Variants in UPRT observed in about 807,000 individuals in gnomAD.
The protein encoded by UPRT is RP11-311P8.3.
UPRT carries 5 observed loss-of-function variants against 22.6 expected under a neutral mutation model. The ratio of observed to expected loss-of-function variants is 0.22; its 90% confidence interval spans 0.12 to 0.47. UPRT has a LOEUF of 0.47. UPRT is among the 20% of genes least tolerant of loss of function. UPRT has a pLI of 0.99. For missense variants in UPRT, 181 were observed against 239.9 expected (o/e 0.75, Z 1.62); for synonymous variants, 77 against 87.7 (o/e 0.88, Z 0.68).
At chrX:75,245,734 T>C (rs934569031) in intron 4 of UPRT, among the ~76,000 whole-genome samples, 1 of 111,494 alleles carries the variant, frequency 9.0e-6, no homozygotes, top group Non-Finnish European at 1.9e-5. Flanking sequence ...AAGTGGGAGC[T>C]AAACACTGAG....
intron 4 of UPRT, among the ~76,000 whole-genome samples, chrX:75,254,289 T>C (rs996400954): frequency 2.2e-4 from 24 of 110,789 alleles, no homozygotes; most frequent in African/African-American, 7.9e-4. Context: ...AAAAATGATA[T>C]AAGAAGTGAA....
chrX:75,289,522 A>T (rs535430896), intron 1 of UPRT, among the ~76,000 whole-genome samples: 2 of 111,502 alleles, frequency 1.8e-5, no homozygotes, highest in South Asian at 3.8e-4. Context: ...AGCAAAAAGA[A>T]CAAAGCTGGA....
At chrX:75,186,771 A>G (rs2082293816) in intron 4 of UPRT, among the ~76,000 whole-genome samples, 1 of 111,829 alleles carries the variant, frequency 8.9e-6, no homozygotes, top group Admixed American at 9.5e-5. Context: ...CTTTACCATT[A>G]TGTAATGGCC....
intron 4 of UPRT, among the ~76,000 whole-genome samples, chrX:75,259,747 A>C (rs1355972728): frequency 3.6e-5 from 4 of 111,185 alleles, no homozygotes; most frequent in Admixed American, 1.9e-4. Flanking sequence ...AAATTCAGGA[A>C]GTACGGAGAA....
chrX:75,160,314 A>G (rs1000932732), intron 1 of UPRT, among the ~76,000 whole-genome samples: 2 of 111,060 alleles, frequency 1.8e-5, no homozygotes, highest in African/African-American at 6.6e-5. Flanking sequence ...TTTTGTTGCT[A>G]CTTTTAACCA....
chrX:75,205,836 G>C (rs1161924848), intron 4 of UPRT, among the ~76,000 whole-genome samples: 1 of 111,618 alleles, frequency 9.0e-6, no homozygotes, highest in Non-Finnish European at 1.9e-5. Context: ...CTGTACATAA[G>C]GGGGAGCAGA....
chrX:75,284,730 G>A (rs749752537), intron 1 of UPRT, among the ~76,000 whole-genome samples: 2 of 111,623 alleles, frequency 1.8e-5, no homozygotes, highest in African/African-American at 6.5e-5. Flanking sequence ...CTCCATTATG[G>A]TTTTTAGCTT....
intron 4 of UPRT, among the ~76,000 whole-genome samples, chrX:75,255,340 A>G (rs965924567): frequency 8.9e-6 from 1 of 112,212 alleles, no homozygotes; most frequent in African/African-American, 3.2e-5. Flanking sequence ...CACCGCTACA[A>G]GAACTGCTAA....
At chrX:75,246,218 T>C (rs920465848) in intron 4 of UPRT, among the ~76,000 whole-genome samples, 1 of 107,464 alleles carries the variant, frequency 9.3e-6, no homozygotes, top group African/African-American at 3.4e-5. Flanking sequence ...ACTCGTCATT[T>C]ACATTAGGTA....
chrX:75,164,671 G>A (rs1469448793), intron 3 of UPRT, among the ~76,000 whole-genome samples: 1 of 111,710 alleles, frequency 9.0e-6, no homozygotes, highest in African/African-American at 3.3e-5. Flanking sequence ...ATAAAAATAT[G>A]TTCTAAAGTT....
At chrX:75,196,419 A>C (rs946364917) in intron 4 of UPRT, among the ~76,000 whole-genome samples, 7 of 112,847 alleles carry the variant, frequency 6.2e-5, no homozygotes, top group African/African-American at 2.3e-4. Flanking sequence ...TTATTGATCA[A>C]AAGCTCAACT....
At chrX:75,271,890 A>T (rs2082609086), upstream of UPRT, among the ~76,000 whole-genome samples, 1 of 111,683 alleles carries the variant, frequency 9.0e-6, no homozygotes. Context: ...TGTATTAAAA[A>T]ATGCTCAACA....
At position 75,288,199 on chromosome X, in the gene UPRT, AAAG is replaced by A. The variant is rs200152931; in HGVS notation, c.387-5268_387-5266del. On this transcript the variant is annotated intron_variant, in intron 1 of 6. Coordinates refer to ENST00000373383, the MANE Select transcript of UPRT (RefSeq NM_145052.4). ...TAAGTAGTGAAAAACCTACCAACCT[AAAG>A]AAGACCTGGACCAGATAGAGTCACA... 4.4e-3 allele frequency among the ~76,000 whole-genome samples: 491 copies of A among 111,512 alleles called. 2 individuals are homozygous for A. Among genetic ancestry groups the A allele is most frequent in the African/African-American group, 0.015 (473 of 30,717 alleles).
At chrX:75,166,649 A>G (rs1335069869) in intron 3 of UPRT, among the ~76,000 whole-genome samples, 1 of 111,901 alleles carries the variant, frequency 8.9e-6, no homozygotes, top group Non-Finnish European at 1.9e-5. Context: ...GAACAATTCT[A>G]TGAATTCTTT....
At chrX:75,245,229 C>A (rs1428904539) in intron 4 of UPRT, among the ~76,000 whole-genome samples, 24 of 104,959 alleles carry the variant, frequency 2.3e-4, no homozygotes, top group African/African-American at 7.4e-4. Context: ...TAATGGGATA[C>A]CATGTCACAC....
upstream of UPRT, among the ~76,000 whole-genome samples, chrX:75,271,863 T>C (rs2082609037): frequency 9.0e-6 from 1 of 111,646 alleles, no homozygotes; most frequent in South Asian, 3.7e-4. Context: ...AAAGAAGATA[T>C]ACAAATGGCC....
intron 4 of UPRT, among the ~76,000 whole-genome samples, chrX:75,212,960 T>TA (rs200901288): frequency 0.019 from 2,087 of 112,226 alleles, 50 homozygotes; most frequent in African/African-American, 0.064. Context: ...CAATATAAAA[T>TA]AAAAAATAAA....
At chrX:75,293,661 G>A (rs2082715943) in intron 2 of UPRT, 147 bp downstream of exon 2, 3 of 545,530 alleles carry the variant, frequency 5.5e-6, no homozygotes, top group Admixed American at 8.1e-5. Context: ...ATGAAGTGTT[G>A]TTTCACTGTT....
intron 4 of UPRT, among the ~76,000 whole-genome samples, chrX:75,234,067 C>A (rs1326736840): frequency 1.8e-5 from 2 of 109,952 alleles, no homozygotes; most frequent in East Asian, 5.7e-4. Flanking sequence ...CACACATAGG[C>A]TCAAAATAAA....
Sources: allele counts gnomAD v4.1 joint callset (sites outside exome capture counted in the v4.1 genomes callset), GRCh38; gene constraint gnomAD v4.1.1; transcripts MANE v1.5; gene names NCBI Gene and HGNC (gene_info 2026-07-23, HGNC 2026-07-21).